Variants in CDH4 observed in about 807,000 individuals in gnomAD.
CDH4 encodes the protein cadherin 4, also known as cadherin-4.
Under a neutral mutation model 86.0 loss-of-function variants are expected in CDH4, and 33 were observed. The ratio of observed to expected loss-of-function variants is 0.38; its 90% CI spans 0.29 to 0.51. The LOEUF (loss-of-function observed/expected upper bound fraction) is 0.51, where lower values mean the gene tolerates loss of function less well. Among genes scored for constraint, CDH4 ranks in the 20% least tolerant of loss-of-function variants. The pLI, the probability that CDH4 is intolerant of heterozygous loss-of-function variation, is 0.86. For synonymous variants in CDH4, 555 were observed against 549.4 expected (o/e 1.01, Z -0.14); for missense variants, 1,114 against 1,307.4 (o/e 0.85, Z 2.28).
intron 2 of CDH4, among the ~76,000 whole-genome samples, chr20:61,631,749 C>T (rs564501005): frequency 4.6e-5 from 7 of 152,240 alleles, no homozygotes; most frequent in African/African-American, 1.7e-4. Context: ...ACCCTCTTGG[C>T]TGGCTTCTGC....
rs1600916434 is a variant in CDH4 at position 61,377,596 on chromosome 20, C to T, written c.169+122659C>T. The stretch of plus-strand genomic sequence containing the variant: ...GTGCTTTTCTGTAGTCAACGAGTCG[C>T]TTTAGCTTTCAAACAACTGTAGTGT... On this transcript the variant is annotated intron_variant, in intron 2 of 15. Coordinates refer to ENST00000614565, the MANE Select transcript of CDH4 (RefSeq NM_001794.5). This position sits in a 1 kb window ranked among gnomAD's most constrained non-coding sequence, Gnocchi z 4.0. 6.6e-6 allele frequency among the ~76,000 whole-genome samples: 1 copy of T among 152,176 alleles called. No homozygotes were observed.
At chr20:61,775,774 T>C (rs1034612388) in intron 4 of CDH4, among the ~76,000 whole-genome samples, 9 of 152,222 alleles carry the variant, frequency 5.9e-5, no homozygotes, top group African/African-American at 2.2e-4. Context: ...GGCATCTGAC[T>C]GTTATCTCTG....
intron 2 of CDH4, among the ~76,000 whole-genome samples, chr20:61,556,364 C>T (rs551424174): frequency 2.6e-5 from 4 of 152,058 alleles, no homozygotes; most frequent in South Asian, 2.1e-4. Context: ...AGAGAGGCTC[C>T]GGGGGGCAGG....
In CDH4 at chr20:61,517,075, G is replaced by A. The variant is rs1316407258; in HGVS notation, c.170-226488G>A. Among the ~76,000 whole-genome samples, 1 of 152,192 alleles carries A rather than the reference G, an allele frequency of 6.6e-6. No individual in the cohort carries two copies. Among genetic ancestry groups the A allele is most frequent in the African/African-American group, 2.4e-5 (1 of 41,448 alleles). On this transcript the variant is annotated intron_variant, in intron 2 of 15. Transcript: ENST00000614565. The surrounding 1 kb of genome is among the most constrained non-coding windows in gnomAD (Gnocchi z 6.6). The stretch of plus-strand genomic sequence containing the variant: ...ACCCAGCTTGAGTCACACTCCATCT[G>A]CCCTTCCAGAAAGCTCCCTCAGGCC...
chr20:61,355,152 C>T (rs966305604), intron 2 of CDH4, among the ~76,000 whole-genome samples: 1 of 152,100 alleles, frequency 6.6e-6, no homozygotes, highest in Non-Finnish European at 1.5e-5. Flanking sequence ...TAGCAAAGAC[C>T]CCTAAATCCT....
chr20:61,500,500 G>T (rs577144599), intron 2 of CDH4, among the ~76,000 whole-genome samples: 2 of 152,340 alleles, frequency 1.3e-5, no homozygotes, highest in African/African-American at 4.8e-5. Flanking sequence ...CCTGTCTCAG[G>T]CCCTGCAGCT....
intron 2 of CDH4, among the ~76,000 whole-genome samples, chr20:61,300,094 G>A (rs2084378052): frequency 6.6e-6 from 1 of 152,090 alleles, no homozygotes; most frequent in Admixed American, 6.5e-5. Flanking sequence ...ATGCACTGGT[G>A]TAAAAACAGA....
intron 9 of CDH4, among the ~76,000 whole-genome samples, chr20:61,916,382 A>G (rs2054903819): frequency 2.6e-5 from 4 of 152,256 alleles, no homozygotes; most frequent in Admixed American, 2.6e-4. Context: ...CAAACATAAA[A>G]TGATGCAAAT....
At chr20:61,319,309 A>G (rs2084495273) in intron 2 of CDH4, among the ~76,000 whole-genome samples, 1 of 151,998 alleles carries the variant, frequency 6.6e-6, no homozygotes, top group Non-Finnish European at 1.5e-5. Context: ...ACACACTGGG[A>G]TTGCTAACAT....
At chr20:61,842,472 C>G (rs1423719191) in intron 4 of CDH4, among the ~76,000 whole-genome samples, 1 of 152,204 alleles carries the variant, frequency 6.6e-6, no homozygotes, top group Admixed American at 6.5e-5. Context: ...GTCCTCAGAT[C>G]TTTTAGAAGG....
At chr20:61,492,920 G>A (rs985971861) in intron 2 of CDH4, among the ~76,000 whole-genome samples, 1 of 152,202 alleles carries the variant, frequency 6.6e-6, no homozygotes, top group Non-Finnish European at 1.5e-5. Flanking sequence ...TGAAAGATGA[G>A]GGATGAGCCA....
intron 2 of CDH4, among the ~76,000 whole-genome samples, chr20:61,579,252 CG>C (rs1365834194): frequency 6.7e-6 from 1 of 149,566 alleles, no homozygotes; most frequent in Non-Finnish European, 1.5e-5. Flanking sequence ...GCCAGGCAGT[CG>C]GGGAGTTGCC....
intron 12 of CDH4, among the ~76,000 whole-genome samples, chr20:61,929,217 C>T (rs2055078976): frequency 6.6e-6 from 1 of 151,328 alleles, no homozygotes. Flanking sequence ...CTCAGCTCTG[C>T]AACTCCACCT....
chr20:61,910,665 C>G, intron 9 of CDH4, 58 bp downstream of exon 9: 1 of 1,448,376 alleles, frequency 6.9e-7, no homozygotes, highest in Non-Finnish European at 9.7e-7. Flanking sequence ...TGCACACTCC[C>G]TAGGACCAGT....
Position 61,280,350 on chromosome 20 carries a change from C to T in CDH4, c.169+25413C>T, listed in dbSNP as rs142003861. Among the ~76,000 whole-genome samples, 1,210 of 152,346 alleles carry T rather than the reference C, an allele frequency of 7.9e-3. 16 individuals are homozygous for T. Among genetic ancestry groups the T allele is most frequent in the African/African-American group, 0.028 (1,155 of 41,584 alleles). On this transcript the variant is annotated intron_variant, in intron 2 of 15. Coordinates refer to ENST00000614565, the MANE Select transcript of CDH4 (RefSeq NM_001794.5). ...AACATAGGCTGTTAGAGCCAGAAGC[C>T]ACCCAAGCAGCCAATCCCTCTCTGG...
chr20:61,490,947 T>G (rs111356141), intron 2 of CDH4, among the ~76,000 whole-genome samples: 1,526 of 152,256 alleles, frequency 0.01, 27 homozygotes, highest in African/African-American at 0.034. Context: ...TGTGTAAGAT[T>G]TATGTGGTCA....
At chr20:61,798,746 GC>G (rs1979679398) in intron 4 of CDH4, among the ~76,000 whole-genome samples, 1 of 152,238 alleles carries the variant, frequency 6.6e-6, no homozygotes, top group African/African-American at 2.4e-5. Context: ...AGAGGGCCGG[GC>G]CGGCAGGAGT....
At position 61,831,962 on chromosome 20, in the gene CDH4, G is replaced by T. The variant is rs35506107; in HGVS notation, c.577-12706G>T. On this transcript the variant is annotated intron_variant, in intron 4 of 15. Transcript: ENST00000614565. ...GCCTCGGGCCTGGGCAGGAGCGGCTGGAGCCTGCCTGCATCCACTTCCTCC... is the reference window on the plus strand; with the variant it reads ...GCCTCGGGCCTGGGCAGGAGCGGCTTGAGCCTGCCTGCATCCACTTCCTCC... 2.1e-4 allele frequency among the ~76,000 whole-genome samples: 32 copies of T among 152,234 alleles called. No individual in the cohort carries two copies. The East Asian group carries it at 5.2e-3, about 25-fold the overall frequency.
intron 2 of CDH4, among the ~76,000 whole-genome samples, chr20:61,293,042 C>T (rs1165563354): frequency 6.6e-6 from 1 of 152,144 alleles, no homozygotes; most frequent in Non-Finnish European, 1.5e-5. Flanking sequence ...TCCCCACGCT[C>T]CCCGAGGCTC....
Sources: allele counts gnomAD v4.1 joint callset (sites outside exome capture counted in the v4.1 genomes callset), GRCh38; gene constraint gnomAD v4.1.1; non-coding constraint Gnocchi (gnomAD v3.1); transcripts MANE v1.5; gene names NCBI Gene and HGNC (gene_info 2026-07-23, HGNC 2026-07-21).